The following FBXO9 variants were observed in gnomAD, a reference collection of about 807,000 sequenced individuals.
FBXO9 encodes F-box only protein 9.
FBXO9 carries 43 observed loss-of-function variants against 63.7 expected under a neutral mutation model. The ratio of observed to expected loss-of-function variants is 0.67; its 90% confidence interval spans 0.53 to 0.87. FBXO9 has a LOEUF of 0.87. Ranked by LOEUF, FBXO9 falls within the 40% of genes least tolerant of loss-of-function variation. FBXO9 has a pLI of 0.00. For synonymous variants in FBXO9, 156 were observed against 171.7 expected (o/e 0.91, Z 0.72); for missense variants, 442 against 533.2 (o/e 0.83, Z 1.68).
chr6:53,081,323 G>A (rs773731652), intron 6 of FBXO9, among the ~76,000 whole-genome samples: 6 of 152,208 alleles, frequency 3.9e-5, no homozygotes, highest in Non-Finnish European at 5.9e-5. Context: ...CCAGGCTGGA[G>A]TGCAGTGGTG....
intron 9 of FBXO9, 24 bp from the exon 10 acceptor site, chr6:53,093,442 G>C (rs1763105996): frequency 6.5e-7 from 1 of 1,540,102 alleles, no homozygotes; most frequent in Non-Finnish European, 9.0e-7. Flanking sequence ...GGTGTGTTTT[G>C]GTCTTCCTTT....
Position 53,080,987 on chromosome 6 carries a change from G to C in FBXO9, c.427G>C (p.Asp143His). Reference sequence around the variant, plus strand: ...TTTCAGCATTGAAGATAATGATGATGACAGCAAAATGGCAGATCTCTTGTC... The same window carrying C: ...TTTCAGCATTGAAGATAATGATGATCACAGCAAAATGGCAGATCTCTTGTC... ...GNSYIEDNDD[D>H]SKMADLLSYF... is the part of the protein sequence containing the mutation. The change falls in exon 6 of 13, where the codon GAC becomes CAC. Residue 143 changes from aspartate to histidine, a missense_variant. Asp to His is a moderately conservative substitution (Grantham distance 81). Transcript: ENST00000323557. The C allele has an allele frequency of 6.2e-7, 1 of 1,613,752 alleles. No homozygotes were observed. The highest frequency in any genetic ancestry group is 2.2e-5 in the East Asian group (1 of 44,878).
chr6:53,065,844 G>T (rs1768675435), intron 1 of FBXO9, 52 bp downstream of exon 1: 8 of 1,292,126 alleles, frequency 6.2e-6, no homozygotes, highest in Non-Finnish European at 7.9e-6. Context: ...GGAGCGTGGT[G>T]TGCAGAGGGG....
intron 2 of FBXO9, 101 bp from the exon 3 acceptor site, chr6:53,073,380 G>C: frequency 1.3e-6 from 1 of 794,456 alleles, no homozygotes; most frequent in Non-Finnish European, 2.0e-6. Context: ...AGAGTAATAA[G>C]TATATACGTG....
chr6:53,079,875 G>T (rs1241164017), intron 5 of FBXO9, among the ~76,000 whole-genome samples: 1 of 151,988 alleles, frequency 6.6e-6, no homozygotes, highest in East Asian at 1.9e-4. Context: ...TCCCAACAAG[G>T]TCAATATTAA....
intron 1 of FBXO9, among the ~76,000 whole-genome samples, chr6:53,066,759 G>A (rs191559730): frequency 2.1e-4 from 32 of 152,290 alleles, no homozygotes; most frequent in Admixed American, 2.0e-3. Flanking sequence ...TGAAGACATG[G>A]ACTACTCATA....
chr6:53,079,835 T>G (rs1410120731), intron 5 of FBXO9, among the ~76,000 whole-genome samples: 3 of 152,136 alleles, frequency 2.0e-5, no homozygotes, highest in Non-Finnish European at 2.9e-5. Flanking sequence ...TATTAACACT[T>G]AAGCTTTGGA....
chr6:53,068,206 G>A (rs1387082046), intron 1 of FBXO9, among the ~76,000 whole-genome samples: 2 of 152,028 alleles, frequency 1.3e-5, no homozygotes, highest in Admixed American at 6.6e-5. Context: ...TACCTTGAAG[G>A]CCATTTCCCT....
intron 6 of FBXO9, among the ~76,000 whole-genome samples, chr6:53,082,097 A>G (rs921738640): frequency 6.6e-6 from 1 of 152,198 alleles, no homozygotes; most frequent in Non-Finnish European, 1.5e-5. Flanking sequence ...TGTATTTTTA[A>G]TATGTTAAAT....
rs1171707386 is a variant in FBXO9 at position 53,071,229 on chromosome 6, G to A, written c.90+86G>A. The A allele has an allele frequency of 1.1e-5, 14 of 1,269,718 alleles. No individual in the cohort carries two copies. The South Asian group carries it at 1.6e-4, about 14-fold the overall frequency. 78.7% of individuals were successfully genotyped at this position (1,269,718 alleles called of 1,614,324 possible). ...TTGATCATAATCATGGGTATTTGTA[G>A]GTTATTACTGTTTGCATGGAATTTA... On this transcript the variant is annotated intron_variant, in intron 2 of 12. Transcript: ENST00000323557.
chr6:53,097,659 C>T (rs1763248119), intron 12 of FBXO9, 63 bp from the exon 13 acceptor site: 1 of 968,942 alleles, frequency 1.0e-6, no homozygotes, highest in South Asian at 1.5e-5. Flanking sequence ...TCCCCAAACA[C>T]ACAAGGATTT....
chr6:53,080,238 T>C (rs1251636479), intron 5 of FBXO9, among the ~76,000 whole-genome samples: 2 of 151,990 alleles, frequency 1.3e-5, no homozygotes, highest in African/African-American at 4.8e-5. Flanking sequence ...GAATAGCCAT[T>C]GAGTCCATCT....
chr6:53,090,538 A>G (rs1453309253), intron 7 of FBXO9, among the ~76,000 whole-genome samples: 1 of 152,258 alleles, frequency 6.6e-6, no homozygotes, highest in African/African-American at 2.4e-5. Flanking sequence ...TGGTTAAGCA[A>G]ATATTCAGGA....
rs370977710 is a variant in FBXO9 at position 53,065,593 on chromosome 6, C to T, written c.-197C>T. On this transcript the variant is annotated 5_prime_UTR_variant, in exon 1 of 13. Transcript: ENST00000323557. ...AGCGCGCCCCGATCTGGCCCCCTGC[C>T]CCGCGAAGATGGCTGCCGTACGCCG... The T allele has an allele frequency of 5.1e-6, 3 of 593,188 alleles. No homozygotes were observed. The highest frequency in any genetic ancestry group is 7.5e-6 in the Non-Finnish European group (3 of 397,512). The allele number at this position is 593,188 out of a possible 1,614,324, so 36.7% of individuals were successfully genotyped here. A position where few individuals can be genotyped will look rare whatever the true frequency, so the allele number is the denominator to read the frequency against.
chr6:53,098,396 A>C lies in FBXO9; in HGVS notation c.*566A>C, dbSNP rs1054667148. On this transcript the variant is annotated 3_prime_UTR_variant, in exon 13 of 13. Transcript: ENST00000323557. ...AAATATATTTGGATGGCCTTTTTAA[A>C]GTAACAGGATATTTAATAAGAGTCC... 1 of 161,524 alleles carries C rather than the reference A, an allele frequency of 6.2e-6. No individual in the cohort carries two copies. Among genetic ancestry groups the C allele is most frequent in the African/African-American group, 2.4e-5 (1 of 41,620 alleles). The allele number at this position is 161,524 out of a possible 1,614,324, so 10.0% of individuals were successfully genotyped here. A position where few individuals can be genotyped will look rare whatever the true frequency, so the allele number is the denominator to read the frequency against.
At chr6:53,084,080 G>A (rs1448325830) in intron 7 of FBXO9, among the ~76,000 whole-genome samples, 1 of 152,204 alleles carries the variant, frequency 6.6e-6, no homozygotes, top group African/African-American at 2.4e-5. Flanking sequence ...TCAAAATGCT[G>A]GGCCAGCGTT....
At chr6:53,081,182 A>G in intron 6 of FBXO9, 84 bp downstream of exon 6, 1 of 1,339,252 alleles carries the variant, frequency 7.5e-7, no homozygotes, top group Non-Finnish European at 1.0e-6. Flanking sequence ...ATAATTTGCC[A>G]GATAACTGCT....
At chr6:53,087,036 A>C (rs764176015) in intron 7 of FBXO9, among the ~76,000 whole-genome samples, 2 of 151,948 alleles carry the variant, frequency 1.3e-5, no homozygotes, top group Admixed American at 6.6e-5. Context: ...CCTGTCTCAA[A>C]AACAACAACA....
intron 7 of FBXO9, among the ~76,000 whole-genome samples, chr6:53,084,960 C>T (rs187095108): frequency 3.9e-5 from 6 of 152,082 alleles, no homozygotes; most frequent in Non-Finnish European, 5.9e-5. Context: ...CTCTTAAAGC[C>T]GGATGTTTTA....
Sources: allele counts gnomAD v4.1 joint callset (sites outside exome capture counted in the v4.1 genomes callset), GRCh38; gene constraint gnomAD v4.1.1; transcripts MANE v1.5; gene names NCBI Gene and HGNC (gene_info 2026-07-23, HGNC 2026-07-21).